The following PFDN1 variants were observed in gnomAD, a reference collection of about 807,000 sequenced individuals.
PFDN1 encodes prefoldin 1.
In PFDN1, 6 loss-of-function variants were observed where a neutral mutation model predicts 17.3. That is an observed-to-expected ratio of 0.35 (90% CI 0.19 to 0.69). The LOEUF (loss-of-function observed/expected upper bound fraction) is 0.69, where lower values mean the gene tolerates loss of function less well. PFDN1 is among the 30% of genes least tolerant of loss of function. The pLI, the probability that PFDN1 is intolerant of heterozygous loss-of-function variation, is 0.65. For missense variants in PFDN1, 113 were observed against 146.2 expected (o/e 0.77, Z 1.17); for synonymous variants, 58 against 50.1 (o/e 1.16, Z -0.67).
At position 140,300,434 on chromosome 5, in the gene PFDN1, T is replaced by C; in HGVS notation, c.182A>G (p.Tyr61Cys). ...IMTLVDETNM[Y>C]EGVGRMFILQ... ...TACTTACATTCTTCCTACACCTTCA[T>C]ACATGTTAGTCTCATCTACCAAAGT... The change falls in exon 2 of 4, where the codon TAT becomes TGT. Residue 61 changes from tyrosine (Y) to cysteine (C), a missense_variant. Tyr to Cys is a radical substitution (Grantham distance 194). Transcript: ENST00000261813. 1 of 1,607,034 alleles carries C rather than the reference T, an allele frequency of 6.2e-7. No homozygotes were observed. Among genetic ancestry groups the C allele is most frequent in the South Asian group, 1.1e-5 (1 of 90,282 alleles).
chr5:140,248,072 C>CTT (rs113993165), intron 3 of PFDN1, among the ~76,000 whole-genome samples: 32,262 of 142,844 alleles, frequency 0.23, 3,659 homozygotes, highest in African/African-American at 0.24. Flanking sequence ...ATAAACAACT[C>CTT]TTTTTTTTTT....
intron 3 of PFDN1, among the ~76,000 whole-genome samples, chr5:140,261,039 G>T (rs1470179326): frequency 6.6e-6 from 1 of 151,396 alleles, no homozygotes; most frequent in Non-Finnish European, 1.5e-5. Flanking sequence ...GTGCACAACT[G>T]TAATCCCAGC....
chr5:140,246,005 C>T lies in PFDN1; in HGVS notation c.338G>A (p.Arg113Gln), dbSNP rs1764824397. Residue 113 changes from arginine (R) to glutamine (Q), a missense_variant, in exon 4 of 4, where the codon CGG becomes CAG. Transcript: ENST00000261813. ...RSVKEAEDNIREMLMARRAQ is the reference protein window; with the variant it reads ...RSVKEAEDNIQEMLMARRAQ ...GGCCCTTCGTGCCATCAGCATCTCCCGGATGTTGTCCTCAGCTTCCTTAAC... is the reference window on the plus strand; with the variant it reads ...GGCCCTTCGTGCCATCAGCATCTCCTGGATGTTGTCCTCAGCTTCCTTAAC... 3.8e-6 allele frequency: 6 copies of T among 1,561,948 alleles called. No individual in the cohort carries two copies. Among genetic ancestry groups the T allele is most frequent in the Non-Finnish European group, 5.2e-6 (6 of 1,151,540 alleles).
intron 2 of PFDN1, among the ~76,000 whole-genome samples, chr5:140,289,023 C>T (rs1046257054): frequency 3.3e-5 from 5 of 150,384 alleles, no homozygotes; most frequent in Non-Finnish European, 7.4e-5. Flanking sequence ...CAGTGGCTCA[C>T]GCCTGTAATC....
intron 3 of PFDN1, among the ~76,000 whole-genome samples, chr5:140,278,548 ACT>A (rs1440018914): frequency 8.2e-6 from 1 of 122,042 alleles, no homozygotes; most frequent in Non-Finnish European, 1.6e-5. Flanking sequence ...ACAGAATGAG[ACT>A]CTGTCTCAAA....
At chr5:140,275,191 G>A (rs1463259151) in intron 3 of PFDN1, among the ~76,000 whole-genome samples, 2 of 151,918 alleles carry the variant, frequency 1.3e-5, no homozygotes, top group African/African-American at 2.4e-5. Context: ...GGCAGATCAC[G>A]AGGTCAGAAG....
chr5:140,246,278 C>T (rs1764828389), intron 3 of PFDN1, among the ~76,000 whole-genome samples: 1 of 152,162 alleles, frequency 6.6e-6, no homozygotes, highest in Non-Finnish European at 1.5e-5. Context: ...TTGGTAGAAG[C>T]AAAAGTGCTC....
At chr5:140,278,447 G>C (rs904339102) in intron 3 of PFDN1, among the ~76,000 whole-genome samples, 5 of 150,792 alleles carry the variant, frequency 3.3e-5, no homozygotes, top group Admixed American at 6.6e-5. Flanking sequence ...TGTAGTCCCA[G>C]GTACTCAGGA....
Position 140,249,966 on chromosome 5 carries a change from C to T in PFDN1, c.286-3909G>A, listed in dbSNP as rs542832100. Among the ~76,000 whole-genome samples, 5 of 152,230 alleles carry T rather than the reference C, an allele frequency of 3.3e-5. 1 individual carries two copies. Among genetic ancestry groups the T allele is most frequent in the Admixed American group, 3.3e-4 (5 of 15,296 alleles). ...GGGGTACCAAATTTCAACATGAGAC[C>T]TGCCAGGGGGCAAAGAAACCCTATG... On this transcript the variant is annotated intron_variant, in intron 3 of 3. Transcript: ENST00000261813.
At position 140,268,969 on chromosome 5, in the gene PFDN1, T is replaced by C. The variant is rs1016748525; in HGVS notation, c.285+12480A>G. Among the ~76,000 whole-genome samples, 14 of 152,234 alleles carry C rather than the reference T, an allele frequency of 9.2e-5. 1 individual carries two copies. ...TACATTTTAGATATAGGTAGACAACTAGCTTCATTTTAGCTTCAAAATAGG... is the reference window on the plus strand; with the variant it reads ...TACATTTTAGATATAGGTAGACAACCAGCTTCATTTTAGCTTCAAAATAGG... On this transcript the variant is annotated intron_variant, in intron 3 of 3. Coordinates refer to ENST00000261813, the MANE Select transcript of PFDN1 (RefSeq NM_002622.5).
Position 140,264,020 on chromosome 5 carries a change from C to CAAAAAAAAAAAAAAAAAAA in PFDN1, c.285+17410_285+17428dup, listed in dbSNP as rs58605224. ...TGGGGGTCAGAGTGAGACTCCATCT[C>CAAAAAAAAAAAAAAAAAAA]AAAAAAAAAAAAAAAAAAAAAAAAA... On this transcript the variant is annotated intron_variant, in intron 3 of 3. Coordinates refer to ENST00000261813, the MANE Select transcript of PFDN1 (RefSeq NM_002622.5). Among the ~76,000 whole-genome samples the CAAAAAAAAAAAAAAAAAAA allele has an allele frequency of 1.4e-4, 8 of 55,576 alleles. 1 individual carries two copies. The highest frequency in any genetic ancestry group is 2.3e-4 in the Non-Finnish European group (7 of 30,046). 36.5% of individuals were successfully genotyped at this position (55,576 alleles called of 152,430 possible). A position where few individuals can be genotyped will look rare whatever the true frequency, so the allele number is the denominator to read the frequency against.
intron 3 of PFDN1, 24 bp downstream of exon 3, chr5:140,281,425 C>T (rs1581093427): frequency 2.0e-6 from 2 of 1,009,314 alleles, no homozygotes; most frequent in Non-Finnish European, 3.2e-6. Flanking sequence ...CAAAAGTTAA[C>T]TCCTATTGCC....
At chr5:140,251,014 A>C (rs1172251830) in intron 3 of PFDN1, among the ~76,000 whole-genome samples, 1 of 152,134 alleles carries the variant, frequency 6.6e-6, no homozygotes, top group African/African-American at 2.4e-5. Flanking sequence ...GGCTCACTGC[A>C]AACTCTGCCT....
chr5:140,255,968 G>C (rs1373052268), intron 3 of PFDN1, among the ~76,000 whole-genome samples: 3 of 152,030 alleles, frequency 2.0e-5, no homozygotes, highest in Non-Finnish European at 4.4e-5. Context: ...TGTGATTCAA[G>C]TCCAATGATC....
chr5:140,273,199 C>G (rs986337122), intron 3 of PFDN1, among the ~76,000 whole-genome samples: 1 of 149,400 alleles, frequency 6.7e-6, no homozygotes, highest in African/African-American at 2.5e-5. Flanking sequence ...GAGCCGAGAT[C>G]GTGCCACTGC....
At chr5:140,297,200 T>A (rs550894727) in intron 2 of PFDN1, among the ~76,000 whole-genome samples, 219 of 152,334 alleles carry the variant, frequency 1.4e-3, no homozygotes, top group African/African-American at 5.1e-3. Flanking sequence ...AACCATTTTA[T>A]TACGGTTTTA....
intron 3 of PFDN1, among the ~76,000 whole-genome samples, chr5:140,261,113 G>C (rs1388245036): frequency 7.8e-6 from 1 of 128,466 alleles, no homozygotes; most frequent in African/African-American, 3.0e-5. Flanking sequence ...AATGAGCCGA[G>C]ATCACACCAC....
chr5:140,299,882 A>C lies in PFDN1; in HGVS notation c.200+534T>G, dbSNP rs374211545. Among the ~76,000 whole-genome samples the C allele has an allele frequency of 8.3e-4, 125 of 151,338 alleles. No homozygotes were observed. In the Middle Eastern group the frequency reaches 0.017, roughly 21 times the overall value. ...CAAAAATTAGCAGGGCGTGGTGGCA[A>C]GCGCCCGTAATCCCAGTCACTCAGG... On this transcript the variant is annotated intron_variant, in intron 2 of 3. Transcript: ENST00000261813.
chr5:140,245,783 AGGCAAAG>A lies in PFDN1; in HGVS notation c.*184_*190del, dbSNP rs1381492506. 1 of 612,562 alleles carries A rather than the reference AGGCAAAG, an allele frequency of 1.6e-6. No homozygotes were observed. The highest frequency in any genetic ancestry group is 2.9e-6 in the Non-Finnish European group (1 of 343,448). 37.9% of individuals were successfully genotyped at this position (612,562 alleles called of 1,614,324 possible). A position where few individuals can be genotyped will look rare whatever the true frequency, so the allele number is the denominator to read the frequency against. ...GAAGAGTGTCCTGGGCAGAGGTGGCAGGCAAAGCCGGGTAAAAACTCCAGGGCTGGGA... is the reference window on the plus strand; with the variant it reads ...GAAGAGTGTCCTGGGCAGAGGTGGCACCGGGTAAAAACTCCAGGGCTGGGA... On this transcript the variant is annotated 3_prime_UTR_variant, in exon 4 of 4. Coordinates refer to ENST00000261813, the MANE Select transcript of PFDN1 (RefSeq NM_002622.5).
Sources: allele counts gnomAD v4.1 joint callset (sites outside exome capture counted in the v4.1 genomes callset), GRCh38; gene constraint gnomAD v4.1.1; transcripts MANE v1.5; gene names NCBI Gene and HGNC (gene_info 2026-07-23, HGNC 2026-07-21).